MRPS5: variants seen among roughly 807,000 people sequenced by gnomAD.
MRPS5 encodes small ribosomal subunit protein uS5m.
In MRPS5, 27 loss-of-function variants were observed where a neutral mutation model predicts 51.9. The ratio of observed to expected loss-of-function variants is 0.52; its 90% CI spans 0.38 to 0.72. The LOEUF is 0.72. MRPS5 is among the 30% of genes least tolerant of loss of function. The probability of loss-of-function intolerance (pLI) is 0.00; values close to 1 mark genes in which losing one functional copy is unlikely to be tolerated. For synonymous variants in MRPS5, 196 were observed against 193.2 expected (o/e 1.01, Z -0.12); for missense variants, 570 against 545.7 (o/e 1.04, Z -0.44).
At chr2:95,121,686 C>A (rs370143675) in intron 1 of MRPS5, 48 bp downstream of exon 1, 35 of 1,516,558 alleles carry the variant, frequency 2.3e-5, no homozygotes, top group Middle Eastern at 2.3e-4. Context: ...GCGAGCCCCC[C>A]ACTCCCGGCC....
intron 3 of MRPS5, among the ~76,000 whole-genome samples, chr2:95,112,111 A>T (rs1676138009): frequency 6.6e-6 from 1 of 151,996 alleles, no homozygotes; most frequent in Non-Finnish European, 1.5e-5. Context: ...GTCGCCCCAG[A>T]TGGAGTGCAA....
intron 2 of MRPS5, among the ~76,000 whole-genome samples, chr2:95,115,812 G>A (rs879372830): frequency 2.0e-5 from 3 of 152,086 alleles, no homozygotes; most frequent in Admixed American, 2.0e-4. Context: ...CAGGAAATAC[G>A]GGCTTTTCAT....
At position 95,086,441 on chromosome 2, in the gene MRPS5, A is replaced by G. The variant is rs1005707442; in HGVS notation, c.*916T>C. 6.6e-6 allele frequency among the ~76,000 whole-genome samples: 1 copy of G among 152,246 alleles called. No individual in the cohort carries two copies. Among genetic ancestry groups the G allele is most frequent in the African/African-American group, 2.4e-5 (1 of 41,472 alleles). On this transcript the variant is annotated 3_prime_UTR_variant, in exon 12 of 12. Transcript: ENST00000272418. ...TTCAAGAGCAGAATGGAAAGGAAAG[A>G]GTAAATAACCAGTTATTCTGAAGAT...
intron 3 of MRPS5, among the ~76,000 whole-genome samples, chr2:95,114,380 C>A (rs1339410166): frequency 6.6e-6 from 1 of 151,740 alleles, no homozygotes; most frequent in Non-Finnish European, 1.5e-5. Context: ...GCCTCAGCCT[C>A]CCAAGTAGCT....
chr2:95,086,975 CT>C lies in MRPS5; in HGVS notation c.*381del, dbSNP rs1675309060. On this transcript the variant is annotated 3_prime_UTR_variant, in exon 12 of 12. Transcript: ENST00000272418. The stretch of plus-strand genomic sequence containing the variant: ...ACGGTAGTCAAGTTACTTAACTGCT[CT>C]GTAAAATGAAGTTAATCACATTCAC... Among the ~76,000 whole-genome samples, 1 of 152,144 alleles carries C rather than the reference CT, an allele frequency of 6.6e-6. No individual in the cohort carries two copies. Among genetic ancestry groups the C allele is most frequent in the Non-Finnish European group, 1.5e-5 (1 of 68,018 alleles).
At chr2:95,113,878 T>C (rs1314862098) in intron 3 of MRPS5, among the ~76,000 whole-genome samples, 2 of 150,978 alleles carry the variant, frequency 1.3e-5, no homozygotes, top group African/African-American at 2.4e-5. Flanking sequence ...TCCCAGCACT[T>C]TGGGAGGCTG....
chr2:95,108,737 A>G (rs530491681), intron 4 of MRPS5, among the ~76,000 whole-genome samples: 2 of 152,342 alleles, frequency 1.3e-5, no homozygotes, highest in African/African-American at 4.8e-5. Context: ...CGTCTCCAGC[A>G]TAGGAAACAC....
In MRPS5 at chr2:95,115,047, T is replaced by A; in HGVS notation, c.277+19A>T. The A allele has an allele frequency of 6.7e-7, 1 of 1,492,770 alleles. No individual in the cohort carries two copies. Among genetic ancestry groups the A allele is most frequent in the Non-Finnish European group, 8.9e-7 (1 of 1,120,228 alleles). 92.5% of individuals were successfully genotyped at this position (1,492,770 alleles called of 1,614,324 possible). ...TTTCCTGTTTCAAGAAACAGGAAGT[T>A]TGTGGCCATTCTACATACATTTAGT... On this transcript the variant is annotated intron_variant, in intron 3 of 11. Coordinates refer to ENST00000272418, the MANE Select transcript of MRPS5 (RefSeq NM_031902.5).
At chr2:95,118,232 T>C (rs1362708785) in intron 1 of MRPS5, among the ~76,000 whole-genome samples, 5 of 152,196 alleles carry the variant, frequency 3.3e-5, no homozygotes, top group Non-Finnish European at 7.4e-5. Flanking sequence ...TCAAGCCTCA[T>C]CACCACTCAG....
intron 3 of MRPS5, among the ~76,000 whole-genome samples, chr2:95,114,060 C>T (rs1438301939): frequency 1.6e-5 from 2 of 122,994 alleles, no homozygotes; most frequent in African/African-American, 6.4e-5. Flanking sequence ...GTGGAGGTTG[C>T]AGTGAGCCGA....
chr2:95,111,758 T>C (rs1042148028), intron 3 of MRPS5, among the ~76,000 whole-genome samples: 3 of 152,238 alleles, frequency 2.0e-5, no homozygotes, highest in Non-Finnish European at 2.9e-5. Flanking sequence ...GCATACATAG[T>C]ATATATTTAA....
At chr2:95,109,283 C>A (rs1676045940) in intron 4 of MRPS5, among the ~76,000 whole-genome samples, 1 of 152,132 alleles carries the variant, frequency 6.6e-6, no homozygotes, top group South Asian at 2.1e-4. Context: ...TTTTCTTTAT[C>A]CCTGAAGGCC....
intron 10 of MRPS5, among the ~76,000 whole-genome samples, chr2:95,094,304 C>T (rs1675556154): frequency 6.6e-6 from 1 of 152,204 alleles, no homozygotes; most frequent in Non-Finnish European, 1.5e-5. Context: ...AGTTCGAAAA[C>T]ACTCTTCAGG....
Position 95,118,402 on chromosome 2 carries a change from G to A in MRPS5, c.59-457C>T, listed in dbSNP as rs548744399. 2.0e-5 allele frequency among the ~76,000 whole-genome samples: 3 copies of A among 152,214 alleles called. 1 individual carries two copies. In the South Asian group the frequency reaches 6.2e-4, roughly 31 times the overall value. ...GAACAAAGTCAAAACTCCTCAGCAT[G>A]GCCTACAGGCCTGCCACATGGCCCC... is the stretch of plus-strand genomic sequence containing the variant. On this transcript the variant is annotated intron_variant, in intron 1 of 11. Coordinates refer to ENST00000272418, the MANE Select transcript of MRPS5 (RefSeq NM_031902.5).
chr2:95,108,080 TA>T (rs1389885257), intron 5 of MRPS5, 94 bp downstream of exon 5: 1 of 1,004,384 alleles, frequency 1.0e-6, no homozygotes, highest in Non-Finnish European at 1.5e-6. Flanking sequence ...TGGAAAAAGG[TA>T]GTATAAACAG....
intron 5 of MRPS5, chr2:95,106,674 C>G: frequency 1.7e-6 from 1 of 578,220 alleles, no homozygotes. Flanking sequence ...CCCACCTGCA[C>G]CCTCCTCCCC....
intron 10 of MRPS5, among the ~76,000 whole-genome samples, chr2:95,099,046 G>C (rs556690356): frequency 3.4e-4 from 52 of 150,952 alleles, no homozygotes; most frequent in African/African-American, 1.2e-3. Context: ...AGCCTCCCGA[G>C]TAGCTGGGAC....
intron 3 of MRPS5, among the ~76,000 whole-genome samples, chr2:95,114,624 T>G (rs1434269679): frequency 6.6e-6 from 1 of 152,190 alleles, no homozygotes; most frequent in African/African-American, 2.4e-5. Flanking sequence ...CAATCTCCAT[T>G]TGTTACCTGA....
chr2:95,115,145 T>A lies in MRPS5; in HGVS notation c.198A>T (p.Ala66=). The A allele has an allele frequency of 1.2e-6, 2 of 1,613,200 alleles. No individual in the cohort carries two copies. The highest frequency in any genetic ancestry group is 1.1e-5 in the South Asian group (1 of 90,878). The change falls in exon 3 of 12, where the codon GCA becomes GCT. Residue 66 remains alanine (A), a synonymous_variant. Transcript: ENST00000272418. ...DTHPYASLSR[A]LQTQCCISSP... ...AAGAAATACAGCATTGTGTCTGCAG[T>A]GCACGGCTCAAGCTGGCGTAGGGAT...
Sources: gnomAD v4.1 joint callset for allele counts (sites outside exome capture counted in the v4.1 genomes callset) on GRCh38, gnomAD v4.1.1 for gene constraint, MANE v1.5 for transcripts, NCBI Gene and HGNC (gene_info 2026-07-23, HGNC 2026-07-21) for gene names.